SGMS1: variants seen among roughly 807,000 people sequenced by gnomAD.
SGMS1 encodes phosphatidylcholine:ceramide cholinephosphotransferase 1.
A neutral mutation model predicts 46.2 loss-of-function variants in SGMS1; 13 were observed. The observed-to-expected ratio is 0.28, with a 90% CI of 0.18 to 0.45. The LOEUF (loss-of-function observed/expected upper bound fraction) is 0.45. Ranked by LOEUF, SGMS1 falls within the 20% of genes least tolerant of loss-of-function variation. SGMS1 has a pLI of 1.00. For missense variants in SGMS1, 324 were observed against 519.9 expected, an observed-to-expected ratio of 0.62 and a Z score of 3.66; for synonymous variants, 203 against 187.8, an observed-to-expected ratio of 1.08 and a Z score of -0.66.
chr10:50,492,016 C>T (rs183352615), intron 3 of SGMS1, among the ~76,000 whole-genome samples: 14 of 152,258 alleles, frequency 9.2e-5, no homozygotes, highest in East Asian at 5.8e-4. Flanking sequence ...GTTCAACATA[C>T]GCAAATCAGT....
At chr10:50,321,220 T>C (rs1847437193) in intron 8 of SGMS1, among the ~76,000 whole-genome samples, 1 of 152,168 alleles carries the variant, frequency 6.6e-6, no homozygotes, top group Non-Finnish European at 1.5e-5. Flanking sequence ...TATAAGGAGA[T>C]ATGAATAATA....
chr10:50,430,128 T>C (rs1564911465), intron 6 of SGMS1, among the ~76,000 whole-genome samples: 1 of 152,016 alleles, frequency 6.6e-6, no homozygotes, highest in Non-Finnish European at 1.5e-5. Context: ...ACCTAGAGTG[T>C]CCCCTAAGCA....
At chr10:50,319,984 T>C (rs1157478421) in intron 8 of SGMS1, among the ~76,000 whole-genome samples, 4 of 152,232 alleles carry the variant, frequency 2.6e-5, no homozygotes, top group African/African-American at 4.8e-5. Context: ...AAAATAGTAA[T>C]TTTTTATTTC....
At chr10:50,387,465 C>A (rs1848698732) in intron 6 of SGMS1, among the ~76,000 whole-genome samples, 1 of 152,182 alleles carries the variant, frequency 6.6e-6, no homozygotes, top group Admixed American at 6.5e-5. Context: ...AGGACTTTCC[C>A]TCTTTATCGA....
chr10:50,570,087 T>C (rs1838324136), intron 2 of SGMS1, among the ~76,000 whole-genome samples: 1 of 152,228 alleles, frequency 6.6e-6, no homozygotes, highest in South Asian at 2.1e-4. Context: ...AAAGATGTCA[T>C]GAAAACTAAT....
chr10:50,401,129 T>G lies in SGMS1; in HGVS notation c.-232+32347A>C, dbSNP rs118028121. On this transcript the variant is annotated intron_variant, in intron 6 of 10. Transcript: ENST00000361781. ...TTGAGCCAGCCATGGGAAAAATCATTAATTGTCACATTCTAATAATACACA... is the reference window on the plus strand; with the variant it reads ...TTGAGCCAGCCATGGGAAAAATCATGAATTGTCACATTCTAATAATACACA... Among the ~76,000 whole-genome samples, 561 of 152,312 alleles carry G rather than the reference T, an allele frequency of 3.7e-3. 1 individual carries two copies. Among genetic ancestry groups the G allele is most frequent in the Non-Finnish European group, 6.2e-3 (422 of 68,032 alleles).
At chr10:50,377,087 A>G (rs1331432947) in intron 6 of SGMS1, among the ~76,000 whole-genome samples, 4 of 152,364 alleles carry the variant, frequency 2.6e-5, no homozygotes, top group Middle Eastern at 3.4e-3. Flanking sequence ...CTAGAACAGA[A>G]TATCTGAGAC....
At chr10:50,489,723 C>A (rs1837552133) in intron 3 of SGMS1, among the ~76,000 whole-genome samples, 1 of 152,174 alleles carries the variant, frequency 6.6e-6, no homozygotes, top group African/African-American at 2.4e-5. Flanking sequence ...CGCCTGTAAT[C>A]CCAGCACTTT....
At chr10:50,390,624 C>A (rs1044460024) in intron 6 of SGMS1, among the ~76,000 whole-genome samples, 1 of 151,364 alleles carries the variant, frequency 6.6e-6, no homozygotes, top group African/African-American at 2.4e-5. Flanking sequence ...GGTAATGGAA[C>A]AAGACCCTGC....
At chr10:50,536,044 C>A (rs538938165) in intron 2 of SGMS1, among the ~76,000 whole-genome samples, 138 of 152,182 alleles carry the variant, frequency 9.1e-4, no homozygotes, top group African/African-American at 3.2e-3. Context: ...AATCAAAATC[C>A]TCATTTCCAG....
intron 2 of SGMS1, among the ~76,000 whole-genome samples, chr10:50,583,917 C>A (rs1838458417): frequency 6.6e-6 from 1 of 152,158 alleles, no homozygotes; most frequent in Admixed American, 6.5e-5. Flanking sequence ...AAGATAACTC[C>A]ACATTATGTA....
chr10:50,470,835 A>G (rs993626961), intron 3 of SGMS1, among the ~76,000 whole-genome samples: 1 of 152,128 alleles, frequency 6.6e-6, no homozygotes, highest in Non-Finnish European at 1.5e-5. Context: ...CCATCCATTA[A>G]CTACCCTGGG....
At chr10:50,532,706 G>A (rs1297143273) in intron 2 of SGMS1, among the ~76,000 whole-genome samples, 2 of 152,182 alleles carry the variant, frequency 1.3e-5, no homozygotes, top group Non-Finnish European at 2.9e-5. Flanking sequence ...TTTGGTTTAT[G>A]AGTTGCCTAT....
chr10:50,477,449 C>T (rs1837437605), intron 3 of SGMS1, among the ~76,000 whole-genome samples: 1 of 152,192 alleles, frequency 6.6e-6, no homozygotes. Context: ...TGCCTTGTCT[C>T]AGATGAGACT....
chr10:50,524,524 C>T (rs1378780512), intron 2 of SGMS1, among the ~76,000 whole-genome samples: 1 of 152,168 alleles, frequency 6.6e-6, no homozygotes, highest in East Asian at 1.9e-4. Flanking sequence ...TGCCCCAGCC[C>T]TATGCTCACC....
chr10:50,618,457 A>T (rs1307924093), intron 1 of SGMS1, among the ~76,000 whole-genome samples: 2 of 152,246 alleles, frequency 1.3e-5, no homozygotes, highest in Non-Finnish European at 2.9e-5. Context: ...AAAATCTTCA[A>T]ATCACCACAT....
At chr10:50,503,633 A>T (rs1337267922) in intron 3 of SGMS1, among the ~76,000 whole-genome samples, 1 of 152,254 alleles carries the variant, frequency 6.6e-6, no homozygotes, top group East Asian at 1.9e-4. Context: ...GCCTGCACCC[A>T]GGTGAAATAA....
chr10:50,503,974 T>C (rs1425084152), intron 3 of SGMS1, among the ~76,000 whole-genome samples: 2 of 152,228 alleles, frequency 1.3e-5, no homozygotes, highest in African/African-American at 4.8e-5. Context: ...TGATTTACGC[T>C]GACTGACACT....
chr10:50,423,017 A>G (rs1849275915), intron 6 of SGMS1, among the ~76,000 whole-genome samples: 1 of 152,248 alleles, frequency 6.6e-6, no homozygotes, highest in African/African-American at 2.4e-5. Flanking sequence ...TGCCCATGAC[A>G]AAAGCACTGA....
Sources: allele counts gnomAD v4.1 joint callset (sites outside exome capture counted in the v4.1 genomes callset), GRCh38; gene constraint gnomAD v4.1.1; transcripts MANE v1.5; gene names NCBI Gene and HGNC (gene_info 2026-07-23, HGNC 2026-07-21).